Variants in ABCB11 observed in about 807,000 individuals in gnomAD.
ABCB11 encodes the protein bile salt export pump.
In ABCB11, 95 loss-of-function variants were observed where a neutral mutation model predicts 148.0. The ratio of observed to expected loss-of-function variants is 0.64; its 90% confidence interval spans 0.54 to 0.76. The LOEUF (loss-of-function observed/expected upper bound fraction) is 0.76. Ranked by LOEUF, ABCB11 falls within the 30% of genes least tolerant of loss-of-function variation. ABCB11 has a pLI of 0.00. For synonymous variants in ABCB11, 591 were observed against 555.4 expected (o/e 1.06, Z -0.90); for missense variants, 1,523 against 1,617.8 (o/e 0.94, Z 1.01).
intron 10 of ABCB11, among the ~76,000 whole-genome samples, chr2:168,983,824 T>C (rs1694218514): frequency 6.6e-6 from 1 of 152,170 alleles, no homozygotes; most frequent in Admixed American, 6.6e-5. Flanking sequence ...ATCCGGAATC[T>C]GGAGCTAAAA....
chr2:169,027,550 C>T (rs1387486337), intron 1 of ABCB11, among the ~76,000 whole-genome samples: 1 of 152,190 alleles, frequency 6.6e-6, no homozygotes, highest in Non-Finnish European at 1.5e-5. Context: ...CAACAGCATT[C>T]TGAAAGACCT....
At chr2:169,017,167 T>C (rs1695388283) in intron 2 of ABCB11, among the ~76,000 whole-genome samples, 1 of 131,114 alleles carries the variant, frequency 7.6e-6, no homozygotes, top group Non-Finnish European at 1.6e-5. Context: ...ATTTATTTAT[T>C]GTCTGGTTCT....
chr2:168,926,523 T>G (rs892153813), intron 26 of ABCB11, among the ~76,000 whole-genome samples: 5 of 152,168 alleles, frequency 3.3e-5, no homozygotes, highest in Admixed American at 3.3e-4. Context: ...GCTCCAAATC[T>G]CAGGTGTTTC....
At chr2:168,944,372 A>G (rs1057375993) in intron 21 of ABCB11, among the ~76,000 whole-genome samples, 6 of 152,008 alleles carry the variant, frequency 3.9e-5, no homozygotes, top group Non-Finnish European at 8.8e-5. Flanking sequence ...GAGGAAATCC[A>G]AAACCCTGAC....
chr2:168,971,219 G>C (rs976981177), intron 14 of ABCB11, among the ~76,000 whole-genome samples: 3 of 151,992 alleles, frequency 2.0e-5, no homozygotes, highest in Non-Finnish European at 4.4e-5. Flanking sequence ...GTTGTTGTGA[G>C]GGTTTAATGA....
intron 17 of ABCB11, 53 bp downstream of exon 17, chr2:168,968,374 G>T (rs991886952): frequency 3.1e-5 from 47 of 1,512,488 alleles, no homozygotes; most frequent in African/African-American, 4.1e-5. Flanking sequence ...GACTACAGAG[G>T]ACTCCTCAGA....
At chr2:168,991,347 T>A (rs775892702) in intron 8 of ABCB11, among the ~76,000 whole-genome samples, 1 of 152,046 alleles carries the variant, frequency 6.6e-6, no homozygotes, top group Non-Finnish European at 1.5e-5. Flanking sequence ...ATATAACATA[T>A]AAAGTATAGG....
chr2:168,968,609 T>C, intron 16 of ABCB11, 119 bp from the exon 17 acceptor site: 2 of 817,754 alleles, frequency 2.4e-6, no homozygotes, highest in South Asian at 4.6e-5. Flanking sequence ...CAAAACATTC[T>C]GTTAACTTTA....
chr2:168,927,989 A>G (rs1299638309), intron 25 of ABCB11, among the ~76,000 whole-genome samples: 3 of 152,206 alleles, frequency 2.0e-5, no homozygotes, highest in Non-Finnish European at 4.4e-5. Flanking sequence ...AGTTAAGTCC[A>G]GGTACTTGAA....
At chr2:169,012,655 A>G (rs368308141) in intron 5 of ABCB11, among the ~76,000 whole-genome samples, 1 of 151,160 alleles carries the variant, frequency 6.6e-6, no homozygotes, top group African/African-American at 2.4e-5. Context: ...CATGAGAATC[A>G]CTTGAACCCA....
chr2:168,918,598 C>T (rs1030973040), downstream of ABCB11, among the ~76,000 whole-genome samples: 2 of 152,128 alleles, frequency 1.3e-5, no homozygotes, highest in South Asian at 2.1e-4. Flanking sequence ...CCACAAAAAA[C>T]AATAAATGTA....
chr2:169,005,089 G>C (rs892454305), intron 5 of ABCB11, among the ~76,000 whole-genome samples: 111 of 152,040 alleles, frequency 7.3e-4, no homozygotes, highest in African/African-American at 2.6e-3. Flanking sequence ...AAGGTCCTCT[G>C]TTGTGTTTTT....
chr2:169,018,220 A>G (rs1695423619), intron 1 of ABCB11, 68 bp from the exon 2 acceptor site: 1 of 1,394,046 alleles, frequency 7.2e-7, no homozygotes, highest in Non-Finnish European at 1.0e-6. Flanking sequence ...AAAGTAGCCA[A>G]ACGAAAGAAC....
chr2:168,945,759 C>T (rs1262369394), intron 19 of ABCB11, among the ~76,000 whole-genome samples: 1 of 151,780 alleles, frequency 6.6e-6, no homozygotes, highest in Non-Finnish European at 1.5e-5. Flanking sequence ...TTCTCTATTA[C>T]TAAATGAAAG....
chr2:169,014,001 A>T (rs557002323), intron 4 of ABCB11, among the ~76,000 whole-genome samples: 155 of 152,336 alleles, frequency 1.0e-3, no homozygotes, highest in African/African-American at 3.5e-3. Flanking sequence ...AAGATTTGTC[A>T]TAAGAATAAA....
intron 18 of ABCB11, among the ~76,000 whole-genome samples, chr2:168,959,106 T>C (rs1401972142): frequency 2.6e-5 from 4 of 151,728 alleles, no homozygotes; most frequent in African/African-American, 7.2e-5. Context: ...TTCAAAAATT[T>C]TCCCTTTGCT....
chr2:168,918,271 C>A (rs893146458), downstream of ABCB11, among the ~76,000 whole-genome samples: 2 of 152,150 alleles, frequency 1.3e-5, no homozygotes, highest in African/African-American at 2.4e-5. Flanking sequence ...GAGTAAAGCA[C>A]TGGGGACATT....
Position 168,922,956 on chromosome 2 carries a change from A to C in ABCB11, c.*666T>G, listed in dbSNP as rs1414535383. On this transcript the variant is annotated 3_prime_UTR_variant, in exon 28 of 28. Transcript: ENST00000650372. ...GTAATGGTAGCATCACCACCCCTACACTCACTCTGAAGTTAAAGCATAAAT... is the reference window on the plus strand; with the variant it reads ...GTAATGGTAGCATCACCACCCCTACCCTCACTCTGAAGTTAAAGCATAAAT... The C allele has an allele frequency of 1.3e-5, 2 of 153,272 alleles. No individual in the cohort carries two copies. The highest frequency in any genetic ancestry group is 3.8e-4 in the East Asian group (2 of 5,198). The allele number at this position is 153,272 out of a possible 1,614,324, so 9.5% of individuals were successfully genotyped here. A position where few individuals can be genotyped will look rare whatever the true frequency, so the allele number is the denominator to read the frequency against.
In ABCB11 at chr2:168,921,666, T is replaced by G. The variant is rs1691077117; in HGVS notation, c.*1956A>C. Among the ~76,000 whole-genome samples the G allele has an allele frequency of 6.6e-6, 1 of 152,058 alleles. No homozygotes were observed. Among genetic ancestry groups the G allele is most frequent in the African/African-American group, 2.4e-5 (1 of 41,396 alleles). ...CTATTGTTGCTTTTGCTTTATATGTTAAAATACTTCCTCAGTGTCTGGTGG... is the reference window on the plus strand; with the variant it reads ...CTATTGTTGCTTTTGCTTTATATGTGAAAATACTTCCTCAGTGTCTGGTGG... On this transcript the variant is annotated 3_prime_UTR_variant, in exon 28 of 28. Coordinates refer to ENST00000650372, the MANE Select transcript of ABCB11 (RefSeq NM_003742.4).
Sources: allele counts gnomAD v4.1 joint callset (sites outside exome capture counted in the v4.1 genomes callset), GRCh38; gene constraint gnomAD v4.1.1; transcripts MANE v1.5; gene names NCBI Gene and HGNC (gene_info 2026-07-23, HGNC 2026-07-21).